Variants in KLHL7 observed in about 807,000 individuals in gnomAD.
KLHL7 encodes kelch like family member 7.
Under a neutral mutation model 67.4 loss-of-function variants are expected in KLHL7, and 44 were observed. That is an observed-to-expected ratio of 0.65 (90% CI 0.51 to 0.84). The LOEUF (loss-of-function observed/expected upper bound fraction) is 0.84, where lower values mean the gene tolerates loss of function less well. KLHL7 is among the 40% of genes least tolerant of loss of function. KLHL7 has a pLI of 0.00. For missense variants in KLHL7, 362 were observed against 718.1 expected (o/e 0.50, Z 5.67); for synonymous variants, 252 against 243.3 (o/e 1.04, Z -0.33).
chr7:23,156,876 C>G (rs1784721589), intron 7 of KLHL7, among the ~76,000 whole-genome samples: 1 of 151,896 alleles, frequency 6.6e-6, no homozygotes, highest in Non-Finnish European at 1.5e-5. Flanking sequence ...ACATAATTTT[C>G]TCAGTTGGTT....
intron 9 of KLHL7, chr7:23,171,107 A>G: frequency 1.5e-5 from 4 of 271,680 alleles, no homozygotes; most frequent in South Asian, 3.2e-5. Flanking sequence ...GGGTTTCACC[A>G]TGTTGGCCAG....
intron 4 of KLHL7, chr7:23,129,860 A>G (rs1783730343): frequency 6.5e-6 from 1 of 154,588 alleles, no homozygotes; most frequent in African/African-American, 2.4e-5. Flanking sequence ...GATTATAACT[A>G]GTAAGATGAG....
intron 5 of KLHL7, among the ~76,000 whole-genome samples, chr7:23,143,586 C>CT (rs57285829): frequency 0.48 from 72,282 of 151,418 alleles, 20,725 homozygotes; most frequent in African/African-American, 0.82. Flanking sequence ...AGGAAGCTAT[C>CT]TTTTTTTTAA....
At chr7:23,137,451 G>A (rs1784018127) in intron 4 of KLHL7, among the ~76,000 whole-genome samples, 1 of 149,320 alleles carries the variant, frequency 6.7e-6, no homozygotes, top group Non-Finnish European at 1.5e-5. Context: ...TAGAACTATA[G>A]ACATGAAAGC....
At chr7:23,128,317 AAAAG>A (rs1011707485) in intron 4 of KLHL7, among the ~76,000 whole-genome samples, 1 of 149,618 alleles carries the variant, frequency 6.7e-6, no homozygotes, top group Non-Finnish European at 1.5e-5. Flanking sequence ...GTGAGAAGAT[AAAAG>A]AAAGGGAAGG....
intron 4 of KLHL7, among the ~76,000 whole-genome samples, chr7:23,127,798 G>T (rs1342495861): frequency 6.6e-6 from 1 of 152,008 alleles, no homozygotes; most frequent in Non-Finnish European, 1.5e-5. Flanking sequence ...CGTTTGAACC[G>T]GGAGGCGGAG....
intron 1 of KLHL7, chr7:23,106,847 C>A: frequency 1.2e-6 from 1 of 817,726 alleles, no homozygotes; most frequent in Non-Finnish European, 1.4e-6. Flanking sequence ...AACAAAGAGG[C>A]TTTTTTTTTT....
At chr7:23,148,374 A>T (rs1784424220) in intron 6 of KLHL7, among the ~76,000 whole-genome samples, 1 of 149,664 alleles carries the variant, frequency 6.7e-6, no homozygotes, top group African/African-American at 2.5e-5. Context: ...AAATACCTAT[A>T]TTTAAGGGGT....
chr7:23,133,736 CTT>C (rs1038586629), intron 4 of KLHL7, among the ~76,000 whole-genome samples: 17 of 152,060 alleles, frequency 1.1e-4, no homozygotes, highest in Non-Finnish European at 2.2e-4. Flanking sequence ...GCCCAGCCCT[CTT>C]ATTTCTTTTT....
intron 1 of KLHL7, among the ~76,000 whole-genome samples, chr7:23,121,978 G>A (rs1224826943): frequency 2.0e-5 from 3 of 152,040 alleles, no homozygotes; most frequent in Admixed American, 2.0e-4. Context: ...CGCTGCACCC[G>A]GCAGTCCCAT....
At position 23,174,427 on chromosome 7, in the gene KLHL7, T is replaced by C. The variant is rs2128470652; in HGVS notation, c.*129T>C. 2 of 900,688 alleles carry C rather than the reference T, an allele frequency of 2.2e-6. No homozygotes were observed. The highest frequency in any genetic ancestry group is 3.6e-6 in the Non-Finnish European group (2 of 558,238). The allele number at this position is 900,688 out of a possible 1,614,324, so 55.8% of individuals were successfully genotyped here. On this transcript the variant is annotated 3_prime_UTR_variant, in exon 11 of 11. Transcript: ENST00000339077. ...AAAGTTTCAAGTGAAATGAGGTTCC[T>C]ATAAAATAGATGTTTCTTTTATATG...
In KLHL7 at chr7:23,140,490, G is replaced by T. The variant is rs561281051; in HGVS notation, c.443-279G>T. On this transcript the variant is annotated intron_variant, in intron 4 of 10. Transcript: ENST00000339077. ...GAGAATAGCGTGAAGCTGGGAGGCG[G>T]AGCTTGCAGTGAGCCGAGATCGCGC... is the stretch of plus-strand genomic sequence containing the variant. 2.2e-3 allele frequency among the ~76,000 whole-genome samples: 333 copies of T among 152,282 alleles called. 2 individuals carry two copies. Among genetic ancestry groups the T allele is most frequent in the African/African-American group, 7.9e-3 (327 of 41,550 alleles).
Position 23,125,335 on chromosome 7 carries a change from G to A in KLHL7, c.442+163G>A. On this transcript the variant is annotated intron_variant, in intron 4 of 10. Coordinates refer to ENST00000339077, the MANE Select transcript of KLHL7 (RefSeq NM_001031710.3). ...AAATTTAAGAGGGGCTTAGAGAGAT[G>A]CATATTAACCTGGGCAGCAGCAAGC... 2.1e-5 allele frequency: 14 copies of A among 663,584 alleles called. No homozygotes were observed. In the South Asian group the frequency reaches 2.5e-4, roughly 12 times the overall value. The allele number at this position is 663,584 out of a possible 1,614,324, so 41.1% of individuals were successfully genotyped here. A position where few individuals can be genotyped will look rare whatever the true frequency, so the allele number is the denominator to read the frequency against.
At chr7:23,109,626 C>T (rs2128455974) in intron 1 of KLHL7, among the ~76,000 whole-genome samples, 1 of 152,308 alleles carries the variant, frequency 6.6e-6, no homozygotes. Flanking sequence ...CACCTTCCGG[C>T]TAAAATGACT....
At chr7:23,166,737 T>C (rs958740837) in intron 8 of KLHL7, among the ~76,000 whole-genome samples, 1 of 152,168 alleles carries the variant, frequency 6.6e-6, no homozygotes, top group Non-Finnish European at 1.5e-5. Flanking sequence ...TCACAGACTG[T>C]TATAATGTAG....
chr7:23,151,632 C>G (rs1164559562), intron 6 of KLHL7, among the ~76,000 whole-genome samples: 2 of 152,178 alleles, frequency 1.3e-5, no homozygotes, highest in Non-Finnish European at 2.9e-5. Context: ...CTTTAAAATA[C>G]CAATTCCTAA....
At position 23,174,385 on chromosome 7, in the gene KLHL7, T is replaced by G; in HGVS notation, c.*87T>G. The G allele has an allele frequency of 1.4e-6, 2 of 1,394,918 alleles. No homozygotes were observed. Among genetic ancestry groups the G allele is most frequent in the Non-Finnish European group, 2.0e-6 (2 of 986,938 alleles). 86.4% of individuals were successfully genotyped at this position (1,394,918 alleles called of 1,614,324 possible). A position where few individuals can be genotyped will look rare whatever the true frequency, so the allele number is the denominator to read the frequency against. ...AGGAGTTTGGTGACAAAGTTTTGGTTTGGTGTTTTGGTAAAGAAAGTTTCA... is the reference window on the plus strand; with the variant it reads ...AGGAGTTTGGTGACAAAGTTTTGGTGTGGTGTTTTGGTAAAGAAAGTTTCA... On this transcript the variant is annotated 3_prime_UTR_variant, in exon 11 of 11. Coordinates refer to ENST00000339077, the MANE Select transcript of KLHL7 (RefSeq NM_001031710.3).
intron 6 of KLHL7, among the ~76,000 whole-genome samples, chr7:23,150,743 G>A (rs1325148936): frequency 6.6e-6 from 1 of 152,174 alleles, no homozygotes; most frequent in Non-Finnish European, 1.5e-5. Context: ...ATGGAAGAGA[G>A]TGCTGCCTCC....
At chr7:23,139,333 A>T (rs946620539) in intron 4 of KLHL7, among the ~76,000 whole-genome samples, 1 of 152,270 alleles carries the variant, frequency 6.6e-6, no homozygotes, top group Non-Finnish European at 1.5e-5. Flanking sequence ...ATCTAGTAAC[A>T]TAATTTACTA....
Sources: allele counts gnomAD v4.1 joint callset (sites outside exome capture counted in the v4.1 genomes callset), GRCh38; gene constraint gnomAD v4.1.1; transcripts MANE v1.5; gene names NCBI Gene and HGNC (gene_info 2026-07-23, HGNC 2026-07-21).